The following RABGAP1L variants were observed in gnomAD, a reference collection of about 807,000 sequenced individuals.
RABGAP1L encodes the protein RAB GTPase activating protein 1 like, also known as rab GTPase-activating protein 1-like.
RABGAP1L carries 63 observed loss-of-function variants against 137.7 expected under a neutral mutation model. The ratio of observed to expected loss-of-function variants is 0.46; its 90% CI spans 0.37 to 0.56. The LOEUF is 0.56. Among genes scored for constraint, RABGAP1L ranks in the 20% least tolerant of loss-of-function variants. The pLI, the probability that RABGAP1L is intolerant of heterozygous loss-of-function variation, is 0.00. For synonymous variants in RABGAP1L, 431 were observed against 433.7 expected (o/e 0.99, Z 0.08); for missense variants, 1,095 against 1,244.0 (o/e 0.88, Z 1.80).
intron 18 of RABGAP1L, among the ~76,000 whole-genome samples, chr1:174,794,571 G>A (rs1197950913): frequency 1.3e-5 from 2 of 152,164 alleles, no homozygotes; most frequent in Non-Finnish European, 2.9e-5. Context: ...ACTTATTCAT[G>A]TCATACAGCT....
At chr1:174,516,095 A>C (rs1191459542) in intron 13 of RABGAP1L, among the ~76,000 whole-genome samples, 3 of 150,328 alleles carry the variant, frequency 2.0e-5, no homozygotes, top group African/African-American at 7.4e-5. Flanking sequence ...TTATTATGAA[A>C]GTCAAGGGAT....
At chr1:174,372,670 G>A (rs1452904658) in intron 12 of RABGAP1L, among the ~76,000 whole-genome samples, 2 of 152,204 alleles carry the variant, frequency 1.3e-5, no homozygotes, top group East Asian at 1.9e-4. Flanking sequence ...TAACAGTCAC[G>A]TCTCTCTCAA....
At chr1:174,344,751 C>T (rs1682289083) in intron 11 of RABGAP1L, among the ~76,000 whole-genome samples, 1 of 152,106 alleles carries the variant, frequency 6.6e-6, no homozygotes, top group South Asian at 2.1e-4. Flanking sequence ...ATGTATGAAA[C>T]ACTTTGTGAA....
chr1:174,825,807 C>T (rs1297403244), intron 19 of RABGAP1L, among the ~76,000 whole-genome samples: 2 of 152,192 alleles, frequency 1.3e-5, no homozygotes, highest in East Asian at 3.9e-4. Flanking sequence ...AGGAGAATCG[C>T]TTGAACCCAG....
chr1:174,370,463 CTT>C (rs1183875194), intron 11 of RABGAP1L, among the ~76,000 whole-genome samples: 107 of 37,872 alleles, frequency 2.8e-3, no homozygotes, highest in South Asian at 0.02. Flanking sequence ...TTAAAAATAC[CTT>C]TTTTTTTTTT....
At chr1:174,851,708 C>T (rs1648385423) in intron 19 of RABGAP1L, among the ~76,000 whole-genome samples, 1 of 150,850 alleles carries the variant, frequency 6.6e-6, no homozygotes, top group Non-Finnish European at 1.5e-5. Flanking sequence ...TTGATAGAGA[C>T]AGAGTCTCTC....
chr1:174,337,011 G>A (rs952350088), intron 11 of RABGAP1L, among the ~76,000 whole-genome samples: 4 of 152,012 alleles, frequency 2.6e-5, no homozygotes, highest in African/African-American at 9.7e-5. Context: ...TGATAAGGAA[G>A]AATATTTGAG....
chr1:174,657,481 A>C (rs1390844252), intron 14 of RABGAP1L, among the ~76,000 whole-genome samples: 1 of 152,140 alleles, frequency 6.6e-6, no homozygotes, highest in Non-Finnish European at 1.5e-5. Flanking sequence ...TCTGCATATG[A>C]ATGAGAACAT....
chr1:174,694,534 A>AT (rs1266568395), intron 15 of RABGAP1L, among the ~76,000 whole-genome samples: 4 of 150,514 alleles, frequency 2.7e-5, no homozygotes, highest in African/African-American at 7.3e-5. Flanking sequence ...TGAACTCATC[A>AT]TTTTTTATGG....
chr1:174,825,024 C>T (rs1168357800), intron 19 of RABGAP1L, among the ~76,000 whole-genome samples: 1 of 152,190 alleles, frequency 6.6e-6, no homozygotes, highest in African/African-American at 2.4e-5. Context: ...TTCTCATTGC[C>T]AAACCCTCTG....
chr1:174,394,053 C>T lies in RABGAP1L; in HGVS notation c.1618C>T (p.Pro540Ser), dbSNP rs770912214. The T allele has an allele frequency of 6.2e-7, 1 of 1,613,708 alleles. No homozygotes were observed. The highest frequency in any genetic ancestry group is 8.5e-7 in the Non-Finnish European group (1 of 1,179,832). ...GLSTLVKSGV[P>S]EALRAEVWQL... is the part of the protein sequence containing the mutation. Reference sequence around the variant, plus strand: ...GTCTACTCTGGTGAAGAGTGGTGTCCCTGAAGCATTGAGGGCAGAGGTATG... The same window carrying T: ...GTCTACTCTGGTGAAGAGTGGTGTCTCTGAAGCATTGAGGGCAGAGGTATG... Residue 540 changes from proline (P) to serine (S), a missense_variant, in exon 13 of 26, where the codon CCT (proline) becomes TCT (serine). Pro to Ser is a moderately conservative substitution (Grantham distance 74, BLOSUM62 -1). Around this residue, in one of 4 missense-constraint regions of RABGAP1L, gnomAD observed 315 missense variants for 324.8 expected, o/e 0.97. Coordinates refer to ENST00000681986, the MANE Select transcript of RABGAP1L (RefSeq NM_001366446.1).
chr1:174,616,140 G>A (rs528084588), intron 13 of RABGAP1L, among the ~76,000 whole-genome samples: 1 of 152,318 alleles, frequency 6.6e-6, no homozygotes, highest in South Asian at 2.1e-4. Flanking sequence ...TACCTCAGAT[G>A]GAAATGCAGA....
In RABGAP1L at chr1:174,483,833, A is replaced by T. The variant is rs572142084; in HGVS notation, c.1710+89688A>T. On this transcript the variant is annotated intron_variant, in intron 13 of 25. Transcript: ENST00000681986. ...CAACTCCATCTCAAAAAAAAAAAAA[A>T]TCTTGGTTATTGTAAATAATGCTGC... Among the ~76,000 whole-genome samples the T allele has an allele frequency of 1.5e-4, 23 of 152,126 alleles. 1 individual carries two copies. Among genetic ancestry groups the T allele is most frequent in the Admixed American group, 8.5e-4 (13 of 15,274 alleles).
At chr1:174,527,463 C>T (rs950410917) in intron 13 of RABGAP1L, among the ~76,000 whole-genome samples, 2 of 152,126 alleles carry the variant, frequency 1.3e-5, no homozygotes, top group African/African-American at 4.8e-5. Flanking sequence ...GCCTCGGCCT[C>T]CCAAAGTGCT....
At chr1:174,297,639 T>C (rs527822756) in intron 10 of RABGAP1L, among the ~76,000 whole-genome samples, 15 of 152,210 alleles carry the variant, frequency 9.9e-5, no homozygotes, top group African/African-American at 3.6e-4. Context: ...TAGGGGGTGC[T>C]GTTTTGGGGG....
At chr1:174,705,039 A>G (rs535577610) in intron 17 of RABGAP1L, among the ~76,000 whole-genome samples, 4 of 152,262 alleles carry the variant, frequency 2.6e-5, no homozygotes, top group Admixed American at 6.5e-5. Context: ...TGAGTTATAT[A>G]TAGTATGAGC....
chr1:174,690,829 CTTTTTTTTTTTT>C (rs572724291), intron 15 of RABGAP1L, among the ~76,000 whole-genome samples: 2 of 116,934 alleles, frequency 1.7e-5, no homozygotes, highest in Non-Finnish European at 3.5e-5. Flanking sequence ...CAGCATTCAT[CTTTTTTTTTTTT>C]TTTTTTTTTG....
chr1:174,871,324 G>A (rs1652160454), intron 19 of RABGAP1L, among the ~76,000 whole-genome samples: 1 of 151,888 alleles, frequency 6.6e-6, no homozygotes, highest in Admixed American at 6.6e-5. Flanking sequence ...AGTAGGGACG[G>A]GGTTTCACCA....
intron 18 of RABGAP1L, among the ~76,000 whole-genome samples, chr1:174,778,494 A>C (rs1228332849): frequency 2.0e-5 from 3 of 152,176 alleles, no homozygotes; most frequent in Non-Finnish European, 4.4e-5. Flanking sequence ...GTGGGTAAAA[A>C]TGTAATAAGA....
Sources: gnomAD v4.1 joint callset for allele counts (sites outside exome capture counted in the v4.1 genomes callset) on GRCh38, gnomAD v4.1.1 for gene constraint, gnomAD v4.1.1 regional missense constraint, MANE v1.5 for transcripts, NCBI Gene and HGNC (gene_info 2026-07-23, HGNC 2026-07-21) for gene names.